PCGF3: variants seen among roughly 807,000 people sequenced by gnomAD.
PCGF3 encodes polycomb group ring finger 3.
Under a neutral mutation model 33.1 loss-of-function variants are expected in PCGF3, and 7 were observed. The ratio of observed to expected loss-of-function variants is 0.21; its 90% CI spans 0.12 to 0.40. PCGF3 has a LOEUF of 0.40. Among genes scored for constraint, PCGF3 ranks in the 10% least tolerant of loss-of-function variants. The pLI is 1.00. For missense variants in PCGF3, 211 were observed against 313.3 expected (o/e 0.67, Z 2.46); for synonymous variants, 153 against 121.3 (o/e 1.26, Z -1.72).
chr4:766,216 G>C, exon 11 of PCGF3: 3 of 664,878 alleles, frequency 4.5e-6, no homozygotes, highest in South Asian at 3.6e-5. Flanking sequence ...TTGTATGAGA[G>C]AGAATTCACA....
At chr4:752,366 A>G (rs1182098654) in intron 8 of PCGF3, among the ~76,000 whole-genome samples, 1 of 152,026 alleles carries the variant, frequency 6.6e-6, no homozygotes, top group African/African-American at 2.4e-5. Context: ...TTTTGCTCTC[A>G]TCTTTTTTTA....
At position 727,233 on chromosome 4, in the gene PCGF3, CTTTTTTTTTTT is replaced by C. The variant is rs57690550; in HGVS notation, c.-189-3382_-189-3372del. Among the ~76,000 whole-genome samples, 74 of 61,914 alleles carry C rather than the reference CTTTTTTTTTTT, an allele frequency of 1.2e-3. 1 individual carries two copies. The East Asian group carries it at 0.036, about 30-fold the overall frequency. The allele number at this position is 61,914 out of a possible 152,430, so 40.6% of individuals were successfully genotyped here. ...AGAGGATGTGTGTGTTAGCGAGCGT[CTTTTTTTTTTT>C]TTTTTTTTTTTTTTGAGATGGAGTT... On this transcript the variant is annotated intron_variant, in intron 1 of 10. Coordinates refer to ENST00000362003, the Ensembl canonical transcript of PCGF3.
chr4:712,275 G>A (rs1473380707), intron 1 of PCGF3, among the ~76,000 whole-genome samples: 1 of 152,218 alleles, frequency 6.6e-6, no homozygotes, highest in Admixed American at 6.5e-5. Context: ...AAGAACAATA[G>A]TGAATGTTGC....
chr4:719,500 G>A (rs1742988766), intron 1 of PCGF3, among the ~76,000 whole-genome samples: 2 of 152,228 alleles, frequency 1.3e-5, no homozygotes, highest in Admixed American at 6.5e-5. Flanking sequence ...GCTGCTGTGA[G>A]CCGCCCCCCC....
chr4:713,533 CCTGTGTGGCCTCGTCAGGG>C (rs1239493526), intron 1 of PCGF3, among the ~76,000 whole-genome samples: 2 of 81,062 alleles, frequency 2.5e-5, no homozygotes, highest in African/African-American at 8.0e-5. Context: ...CCTCATGGGT[CCTGTGTGGCCTCGTCAGGG>C]CTGTGGCCTC....
intron 1 of PCGF3, among the ~76,000 whole-genome samples, chr4:710,096 T>C (rs1276523207): frequency 1.3e-5 from 2 of 152,208 alleles, no homozygotes. Flanking sequence ...TATATATTGC[T>C]GTGTGGCAGA....
At chr4:751,970 TGA>T (rs1028000231) in intron 8 of PCGF3, among the ~76,000 whole-genome samples, 3 of 152,278 alleles carry the variant, frequency 2.0e-5, no homozygotes, top group Non-Finnish European at 4.4e-5. Flanking sequence ...TGAATCTTCC[TGA>T]GAGAGGCAAG....
At chr4:761,476 T>TC (rs1159677881) in intron 9 of PCGF3, 60 bp downstream of exon 9, 2 of 1,477,966 alleles carry the variant, frequency 1.4e-6, no homozygotes, top group East Asian at 2.4e-5. Context: ...TAAAGGTAAC[T>TC]CCAAGATTCT....
chr4:731,211 C>A, intron 3 of PCGF3, 101 bp downstream of exon 3: 1 of 398,398 alleles, frequency 2.5e-6, no homozygotes, highest in South Asian at 1.3e-4. Context: ...GCCAGCTGGT[C>A]AGGACACGAT....
At chr4:709,164 G>T (rs539886048) in intron 1 of PCGF3, among the ~76,000 whole-genome samples, 10 of 152,326 alleles carry the variant, frequency 6.6e-5, no homozygotes, top group Admixed American at 3.3e-4. Flanking sequence ...AGGGTGCCGT[G>T]TGGCTGCTTG....
chr4:726,203 C>G (rs769936181), intron 1 of PCGF3, among the ~76,000 whole-genome samples: 31 of 152,206 alleles, frequency 2.0e-4, no homozygotes, highest in Non-Finnish European at 3.8e-4. Context: ...ATGTGCATTT[C>G]CCAGTTCACT....
At chr4:727,233 C>CT (rs57690550) in intron 1 of PCGF3, among the ~76,000 whole-genome samples, 7,302 of 61,676 alleles carry the variant, frequency 0.12, 988 homozygotes, top group Admixed American at 0.13. Flanking sequence ...TAGCGAGCGT[C>CT]TTTTTTTTTT....
chr4:709,463 C>G (rs547697908), intron 1 of PCGF3, among the ~76,000 whole-genome samples: 2 of 151,750 alleles, frequency 1.3e-5, no homozygotes, highest in East Asian at 3.9e-4. Flanking sequence ...GATCCATGAG[C>G]AAATGAATGA....
In PCGF3 at chr4:707,521, C is replaced by T. The variant is rs1341940240; in HGVS notation, c.-190+1551C>T. On this transcript the variant is annotated intron_variant, in intron 1 of 10. Coordinates refer to ENST00000362003, the Ensembl canonical transcript of PCGF3. ...GGACAGCCTGTTTTCACCCGGGGGC[C>T]GGGACCCTGGGACAGCCCTGTTTTC... is the stretch of plus-strand genomic sequence containing the variant. Among the ~76,000 whole-genome samples the T allele has an allele frequency of 2.2e-5, 3 of 134,564 alleles. 1 individual carries two copies. Among genetic ancestry groups the T allele is most frequent in the African/African-American group, 5.4e-5 (2 of 37,302 alleles). 88.3% of individuals were successfully genotyped at this position (134,564 alleles called of 152,430 possible). A position where few individuals can be genotyped will look rare whatever the true frequency, so the allele number is the denominator to read the frequency against.
At chr4:739,792 G>A (rs1560208011) in intron 6 of PCGF3, among the ~76,000 whole-genome samples, 1 of 152,312 alleles carries the variant, frequency 6.6e-6, no homozygotes, top group South Asian at 2.1e-4. Flanking sequence ...ACCTCAGCAC[G>A]CTCTTGTCCG....
chr4:755,047 G>A (rs1222751377), intron 8 of PCGF3, among the ~76,000 whole-genome samples: 1 of 152,350 alleles, frequency 6.6e-6, no homozygotes, highest in Middle Eastern at 3.4e-3. Flanking sequence ...TTTCTGCAGT[G>A]CCCTCTTTAC....
At chr4:716,596 T>TAC (rs1742857612) in intron 1 of PCGF3, among the ~76,000 whole-genome samples, 1 of 124,576 alleles carries the variant, frequency 8.0e-6, no homozygotes. Context: ...CTGTAGACAC[T>TAC]GAGTGTGAGA....
intron 1 of PCGF3, among the ~76,000 whole-genome samples, chr4:715,397 G>T (rs564307730): frequency 0.016 from 2,240 of 140,236 alleles, 105 homozygotes; most frequent in Non-Finnish European, 0.024. Context: ...TCGGTGCTGG[G>T]ACCCTGTAGA....
In PCGF3 at chr4:720,423, G is replaced by A. The variant is rs936154028; in HGVS notation, c.-189-10207G>A. On this transcript the variant is annotated intron_variant, in intron 1 of 10. Transcript: ENST00000362003. This position sits in a 1 kb window ranked among gnomAD's most constrained non-coding sequence, Gnocchi z 5.6. ...CAGAGTGGTTTCAGCTCCGGGAGGTGGGGCTGCCCGTCCAGAGAGGTGCAG... is the reference window on the plus strand; with the variant it reads ...CAGAGTGGTTTCAGCTCCGGGAGGTAGGGCTGCCCGTCCAGAGAGGTGCAG... 6.6e-6 allele frequency among the ~76,000 whole-genome samples: 1 copy of A among 152,186 alleles called. No homozygotes were observed. The highest frequency in any genetic ancestry group is 6.5e-5 in the Admixed American group (1 of 15,282).
Sources: allele counts gnomAD v4.1 joint callset (sites outside exome capture counted in the v4.1 genomes callset), GRCh38; gene constraint gnomAD v4.1.1; non-coding constraint Gnocchi (gnomAD v3.1); transcripts MANE v1.5; gene names NCBI Gene and HGNC (gene_info 2026-07-23, HGNC 2026-07-21).